MANBA: variants seen among roughly 807,000 people sequenced by gnomAD.
MANBA encodes the protein beta-mannosidase.
In MANBA, 83 loss-of-function variants were observed where a neutral mutation model predicts 111.1. That is an observed-to-expected ratio of 0.75 (90% CI 0.63 to 0.90). MANBA has a LOEUF of 0.90. Ranked by LOEUF, MANBA falls within the 40% of genes least tolerant of loss-of-function variation. The probability of loss-of-function intolerance (pLI) is 0.00; values close to 1 mark genes in which losing one functional copy is unlikely to be tolerated. For missense variants in MANBA, 1,036 were observed against 1,069.0 expected (o/e 0.97, Z 0.43); for synonymous variants, 370 against 378.7 (o/e 0.98, Z 0.27).
chr4:102,702,037 T>G (rs1281646428), intron 5 of MANBA, among the ~76,000 whole-genome samples: 3 of 152,118 alleles, frequency 2.0e-5, no homozygotes, highest in Non-Finnish European at 4.4e-5. Context: ...AGTCCCATAT[T>G]TCTTGGAGGC....
At chr4:102,722,526 C>A in intron 4 of MANBA, 1 of 296,190 alleles carries the variant, frequency 3.4e-6, no homozygotes, top group South Asian at 3.4e-5. Context: ...TTCCTAGAAA[C>A]AAGAATCACT....
chr4:102,717,755 T>C (rs534489341), intron 4 of MANBA, among the ~76,000 whole-genome samples: 2 of 152,136 alleles, frequency 1.3e-5, no homozygotes, highest in African/African-American at 2.4e-5. Flanking sequence ...GACAGTCTGA[T>C]GCATTCCAGA....
chr4:102,681,940 G>A (rs919028360), intron 7 of MANBA, among the ~76,000 whole-genome samples: 1 of 152,022 alleles, frequency 6.6e-6, no homozygotes, highest in Non-Finnish European at 1.5e-5. Flanking sequence ...GAGGTCGGGA[G>A]TTTGAGACTA....
At position 102,677,637 on chromosome 4, in the gene MANBA, T is replaced by G. The variant is rs147993410; in HGVS notation, c.961-3567A>C. ...GTTAAAAGAAAATCCACAATTTATC[T>G]GAAAAGACTATTTTTTCCCTTTTCC... On this transcript the variant is annotated intron_variant, in intron 7 of 16. Coordinates refer to ENST00000647097, the MANE Select transcript of MANBA (RefSeq NM_005908.4). 2.6e-5 allele frequency among the ~76,000 whole-genome samples: 4 copies of G among 152,308 alleles called. No homozygotes were observed. The East Asian group carries it at 5.8e-4, about 22-fold the overall frequency.
At chr4:102,739,343 A>G (rs1723323735) in intron 1 of MANBA, among the ~76,000 whole-genome samples, 1 of 152,258 alleles carries the variant, frequency 6.6e-6, no homozygotes, top group Non-Finnish European at 1.5e-5. Flanking sequence ...GTCCAGGACC[A>G]GATGGATTCA....
chr4:102,685,429 T>C (rs543027730), intron 7 of MANBA, among the ~76,000 whole-genome samples: 1 of 152,160 alleles, frequency 6.6e-6, no homozygotes, highest in Admixed American at 6.6e-5. Flanking sequence ...AAATATACTT[T>C]AAATGGTCCT....
In MANBA at chr4:102,760,670, CAGA is replaced by C. The variant is rs1302079604; in HGVS notation, c.177+45_177+47del. On this transcript the variant is annotated intron_variant, in intron 1 of 16. Transcript: ENST00000647097. ...GCGGTTCCTGGGCCCCTCTCAGCAC[CAGA>C]AGAAGGCGGGCGCAGGCTCGCCGCG... 5.4e-6 allele frequency: 8 copies of C among 1,495,236 alleles called. No homozygotes were observed. The African/African-American group carries it at 6.9e-5, about 13-fold the overall frequency. 92.6% of individuals were successfully genotyped at this position (1,495,236 alleles called of 1,614,324 possible). A position where few individuals can be genotyped will look rare whatever the true frequency, so the allele number is the denominator to read the frequency against.
intron 5 of MANBA, among the ~76,000 whole-genome samples, chr4:102,703,770 T>C (rs1733168402): frequency 6.6e-6 from 1 of 152,052 alleles, no homozygotes; most frequent in African/African-American, 2.4e-5. Context: ...ACTCCCCACT[T>C]TGCAAGCCCC....
chr4:102,726,332 G>C (rs1722798487), intron 2 of MANBA, among the ~76,000 whole-genome samples: 1 of 152,092 alleles, frequency 6.6e-6, no homozygotes, highest in Non-Finnish European at 1.5e-5. Flanking sequence ...CTGGAAAAAT[G>C]ACTCCATAAG....
At chr4:102,698,920 G>T (rs1263087000) in intron 5 of MANBA, among the ~76,000 whole-genome samples, 1 of 152,126 alleles carries the variant, frequency 6.6e-6, no homozygotes, top group Admixed American at 6.5e-5. Context: ...TGATGGGGAT[G>T]GCATTGAATC....
At chr4:102,650,466 C>T in intron 13 of MANBA, 71 bp downstream of exon 13, 1 of 1,449,026 alleles carries the variant, frequency 6.9e-7, no homozygotes, top group South Asian at 1.1e-5. Context: ...CCATATATGG[C>T]CTACAAAATC....
intron 8 of MANBA, among the ~76,000 whole-genome samples, chr4:102,673,028 T>A (rs769114199): frequency 6.6e-6 from 1 of 152,168 alleles, no homozygotes; most frequent in Non-Finnish European, 1.5e-5. Context: ...TTTTAACCTA[T>A]ATTCCTAGTG....
At chr4:102,726,817 A>G (rs1722827559) in intron 1 of MANBA, 134 bp from the exon 2 acceptor site, 19 of 641,464 alleles carry the variant, frequency 3.0e-5, no homozygotes, top group Non-Finnish European at 5.2e-5. Context: ...CTAGTAGTAC[A>G]AAGAGGGGAC....
At position 102,631,632 on chromosome 4, in the gene MANBA, A is replaced by ACAAAG; in HGVS notation, c.*420_*424dup. 4.7e-6 allele frequency: 2 copies of ACAAAG among 421,610 alleles called. No individual in the cohort carries two copies. The highest frequency in any genetic ancestry group is 8.3e-6 in the Non-Finnish European group (2 of 239,554). The allele number at this position is 421,610 out of a possible 1,614,324, so 26.1% of individuals were successfully genotyped here. Reference sequence around the variant, plus strand: ...AATCGCCATTCCCTCTGAAATAATAACAAAGCACTTTATTTGAGTATTCCG... The same window carrying ACAAAG: ...AATCGCCATTCCCTCTGAAATAATAACAAAGCAAAGCACTTTATTTGAGTATTCCG... On this transcript the variant is annotated 3_prime_UTR_variant, in exon 17 of 17. Coordinates refer to ENST00000647097, the MANE Select transcript of MANBA (RefSeq NM_005908.4).
Position 102,644,856 on chromosome 4 carries a change from ATGT to A in MANBA, c.1870-5002_1870-5000del, listed in dbSNP as rs547985716. Among the ~76,000 whole-genome samples, 41 of 152,220 alleles carry A rather than the reference ATGT, an allele frequency of 2.7e-4. No individual in the cohort carries two copies. The South Asian group carries it at 7.0e-3, about 26-fold the overall frequency. On this transcript the variant is annotated intron_variant, in intron 13 of 16. Coordinates refer to ENST00000647097, the MANE Select transcript of MANBA (RefSeq NM_005908.4). ...TAATGTACACATATACCAAAACATC[ATGT>A]TGTACACCACAAATATATATTTTTA...
At chr4:102,756,290 A>G (rs1724013641) in intron 1 of MANBA, among the ~76,000 whole-genome samples, 1 of 152,272 alleles carries the variant, frequency 6.6e-6, no homozygotes, top group Non-Finnish European at 1.5e-5. Flanking sequence ...AATACCTTGC[A>G]GCCATAAAAA....
intron 1 of MANBA, among the ~76,000 whole-genome samples, chr4:102,755,682 G>T (rs535085338): frequency 1.3e-5 from 2 of 152,294 alleles, no homozygotes; most frequent in Admixed American, 6.5e-5. Flanking sequence ...GAGTGAACAG[G>T]CAACCTACAG....
At chr4:102,672,929 C>T (rs372596224) in intron 8 of MANBA, among the ~76,000 whole-genome samples, 1 of 152,132 alleles carries the variant, frequency 6.6e-6, no homozygotes, top group Non-Finnish European at 1.5e-5. Flanking sequence ...TGCTGTCCTA[C>T]GTAGTTATCC....
At chr4:102,735,718 A>C (rs1723194785) in intron 1 of MANBA, among the ~76,000 whole-genome samples, 1 of 152,152 alleles carries the variant, frequency 6.6e-6, no homozygotes, top group Non-Finnish European at 1.5e-5. Context: ...CTGAGTTGTT[A>C]AGCAAACCCA....
Sources: gnomAD v4.1 joint callset for allele counts (sites outside exome capture counted in the v4.1 genomes callset) on GRCh38, gnomAD v4.1.1 for gene constraint, MANE v1.5 for transcripts, NCBI Gene and HGNC (gene_info 2026-07-23, HGNC 2026-07-21) for gene names.